The following TBCD variants were observed in gnomAD, a reference collection of about 807,000 sequenced individuals.
TBCD encodes tubulin-specific chaperone D.
In TBCD, 105 loss-of-function variants were observed where a neutral mutation model predicts 169.3. The observed-to-expected ratio is 0.62, with a 90% CI of 0.53 to 0.73. TBCD has a LOEUF of 0.73. Ranked by LOEUF, TBCD falls within the 30% of genes least tolerant of loss-of-function variation. The pLI is 0.00. For missense variants in TBCD, 1,444 were observed against 1,600.1 expected (o/e 0.90, Z 1.66); for synonymous variants, 700 against 643.9 (o/e 1.09, Z -1.32).
intron 8 of TBCD, among the ~76,000 whole-genome samples, chr17:82,799,343 G>A (rs932552135): frequency 2.0e-5 from 3 of 150,638 alleles, no homozygotes; most frequent in Non-Finnish European, 4.4e-5. Flanking sequence ...CTCGGGAGGC[G>A]GAGGCAGGAG....
rs1025654751 is a variant in TBCD at position 82,944,381 on chromosome 17, A to T, written c.*1918A>T. 1 of 152,148 alleles carries T rather than the reference A, an allele frequency of 6.6e-6. No individual in the cohort carries two copies. The highest frequency in any genetic ancestry group is 2.4e-5 in the African/African-American group (1 of 41,442). The allele number at this position is 152,148 out of a possible 1,614,324, so 9.4% of individuals were successfully genotyped here. A position where few individuals can be genotyped will look rare whatever the true frequency, so the allele number is the denominator to read the frequency against. The stretch of plus-strand genomic sequence containing the variant: ...TCTGGAGCCCACCAGGGTCCAGGTG[A>T]TAGAGTTTGGCAAGGAACCCCTTGC... On this transcript the variant is annotated 3_prime_UTR_variant, in exon 39 of 39. Transcript: ENST00000355528.
chr17:82,939,071 T>G lies in TBCD; in HGVS notation c.3370-296T>G, dbSNP rs2062897787. 31 of 490,452 alleles carry G rather than the reference T, an allele frequency of 6.3e-5. No individual in the cohort carries two copies. The South Asian group carries it at 6.8e-4, about 11-fold the overall frequency. 30.4% of individuals were successfully genotyped at this position (490,452 alleles called of 1,614,324 possible). A position where few individuals can be genotyped will look rare whatever the true frequency, so the allele number is the denominator to read the frequency against. Reference sequence around the variant, plus strand: ...GTTAGTTAATAGAGAGCAGGCGAGATTGCTTCTCTGGTGAGGGAGCAGGTT... The same window carrying G: ...GTTAGTTAATAGAGAGCAGGCGAGAGTGCTTCTCTGGTGAGGGAGCAGGTT... On this transcript the variant is annotated intron_variant, in intron 36 of 38. Transcript: ENST00000355528.
rs548262563 is a variant in TBCD at position 82,922,817 on chromosome 17, C to T, written c.2179-835C>T. ...CCTCGGCTCCTGGGCTTCGGGGGAG[C>T]GGTGGAAAGAACACGTGGGTTTGGT... On this transcript the variant is annotated intron_variant, in intron 25 of 38. Transcript: ENST00000355528. The surrounding 1 kb of genome is among the most constrained non-coding windows in gnomAD (Gnocchi z 4.1). 5.9e-5 allele frequency among the ~76,000 whole-genome samples: 9 copies of T among 152,324 alleles called. No homozygotes were observed. Among genetic ancestry groups the T allele is most frequent in the Admixed American group, 2.6e-4 (4 of 15,308 alleles).
In TBCD at chr17:82,831,129, C is replaced by T. The variant is rs143367094; in HGVS notation, c.1318+16195C>T. The T allele has an allele frequency of 4.8e-5, 78 of 1,614,144 alleles. No individual in the cohort carries two copies. In the African/African-American group the frequency reaches 7.1e-4, roughly 15 times the overall value. ...TTTGCTCTGGCGGGTAGAGTCTTCC[C>T]AGTGCGCTGGAGGCTGCCTTGTTGG... On this transcript the variant is annotated intron_variant, in intron 13 of 38. Transcript: ENST00000355528. The surrounding 1 kb of genome is among the most constrained non-coding windows in gnomAD (Gnocchi z 4.6).
intron 23 of TBCD, chr17:82,913,839 A>G (rs956181792): frequency 6.6e-6 from 1 of 152,264 alleles, no homozygotes; most frequent in Non-Finnish European, 1.5e-5. Context: ...CATTGCTGCC[A>G]CCTACCCATG....
At chr17:82,912,688 G>C (rs1188961339) in intron 23 of TBCD, among the ~76,000 whole-genome samples, 2 of 152,222 alleles carry the variant, frequency 1.3e-5, no homozygotes, top group African/African-American at 2.4e-5. Context: ...CTGGGATTCG[G>C]GGAACCCACG....
rs148009121 is a variant in TBCD, at chr17:82,834,880, TA to T, written c.1318+19956del. Among the ~76,000 whole-genome samples, 660 of 149,312 alleles carry T rather than the reference TA, an allele frequency of 4.4e-3. 1 individual carries two copies. The highest frequency in any genetic ancestry group is 0.018 in the East Asian group (93 of 5,106). On this transcript the variant is annotated intron_variant, in intron 13 of 38. Coordinates refer to ENST00000355528, the MANE Select transcript of TBCD (RefSeq NM_005993.5). ...TTGTGTCCTGGAACTTAAAGTATAATAAAAAAAAAATACATTAAAGTAAAGT... is the reference window on the plus strand; with the variant it reads ...TTGTGTCCTGGAACTTAAAGTATAATAAAAAAAAATACATTAAAGTAAAGT...
At chr17:82,792,708 G>C (rs1489428830) in intron 7 of TBCD, among the ~76,000 whole-genome samples, 1 of 152,246 alleles carries the variant, frequency 6.6e-6, no homozygotes, top group Non-Finnish European at 1.5e-5. Context: ...TTACCTTACA[G>C]TCCAAAGTTT....
At position 82,944,515 on chromosome 17, in the gene TBCD, T is replaced by G. The variant is rs1217652456; in HGVS notation, c.*2052T>G. ...TAAAGTGGGCAATGGAATGGCATGT[T>G]GGGTGTTGACTCCGAGAAGGTGTTC... On this transcript the variant is annotated 3_prime_UTR_variant, in exon 39 of 39. Coordinates refer to ENST00000355528, the MANE Select transcript of TBCD (RefSeq NM_005993.5). 6.6e-6 allele frequency: 1 copy of G among 152,190 alleles called. No individual in the cohort carries two copies. Among genetic ancestry groups the G allele is most frequent in the African/African-American group, 2.4e-5 (1 of 41,432 alleles). 9.4% of individuals were successfully genotyped at this position (152,190 alleles called of 1,614,324 possible).
rs374863345 is a variant in TBCD, at chr17:82,759,887, TG to T, written c.235+3673del. Among the ~76,000 whole-genome samples the T allele has an allele frequency of 2.3e-3, 298 of 127,068 alleles. 4 individuals are homozygous for T. The highest frequency in any genetic ancestry group is 9.0e-3 in the African/African-American group (289 of 31,994). The allele number at this position is 127,068 out of a possible 152,430, so 83.4% of individuals were successfully genotyped here. ...TTTTTTCTGGGTCATTTCGTTTGTT[TG>T]TTTTTTTTTTTTTTTTGAGATGGAG... On this transcript the variant is annotated intron_variant, in intron 2 of 38. Coordinates refer to ENST00000355528, the MANE Select transcript of TBCD (RefSeq NM_005993.5).
At chr17:82,914,066 T>G (rs1303189922) in intron 23 of TBCD, 1 of 152,396 alleles carries the variant, frequency 6.6e-6, no homozygotes, top group Non-Finnish European at 1.5e-5. Flanking sequence ...AGCCACCCTG[T>G]CCTGTCCCTT....
intron 6 of TBCD, among the ~76,000 whole-genome samples, chr17:82,775,978 A>G (rs932725024): frequency 6.6e-6 from 1 of 152,112 alleles, no homozygotes; most frequent in Non-Finnish European, 1.5e-5. Context: ...GCACTTTGGG[A>G]GGCTGAGGCG....
chr17:82,800,951 A>G lies in TBCD; in HGVS notation c.905A>G (p.Gln302Arg). ...LLRKLGVKLV[Q>R]RLGLTFLKPK... ...CGGAAGCTGGGGGTGAAGCTTGTGC[A>G]GCGACTGGGGCTGACATTCCTGAAG... The change falls in exon 9 of 39, where the codon CAG (glutamine) becomes CGG (arginine). Residue 302 changes from glutamine (Q) to arginine (R), a missense_variant. Coordinates refer to ENST00000355528, the MANE Select transcript of TBCD (RefSeq NM_005993.5). 6 of 1,611,490 alleles carry G rather than the reference A, an allele frequency of 3.7e-6. No individual in the cohort carries two copies. The highest frequency in any genetic ancestry group is 4.2e-6 in the Non-Finnish European group (5 of 1,179,122).
At chr17:82,816,693 C>A (rs1206547375) in intron 13 of TBCD, among the ~76,000 whole-genome samples, 1 of 150,074 alleles carries the variant, frequency 6.7e-6, no homozygotes, top group African/African-American at 2.4e-5. Flanking sequence ...ACCACCATGC[C>A]ACATTAATTT....
intron 17 of TBCD, among the ~76,000 whole-genome samples, chr17:82,898,455 G>A (rs1051546295): frequency 5.3e-5 from 8 of 152,364 alleles, no homozygotes; most frequent in Admixed American, 6.5e-5. Context: ...GCTGAGCAGA[G>A]GCTTCGTTTT....
chr17:82,943,276 C>T lies in TBCD; in HGVS notation c.*813C>T, dbSNP rs185570952. 578 of 152,390 alleles carry T rather than the reference C, an allele frequency of 3.8e-3. 7 individuals are homozygous for T. The highest frequency in any genetic ancestry group is 3.2e-3 in the Non-Finnish European group (215 of 68,118). The allele number at this position is 152,390 out of a possible 1,614,324, so 9.4% of individuals were successfully genotyped here. A position where few individuals can be genotyped will look rare whatever the true frequency, so the allele number is the denominator to read the frequency against. ...CTACCTTTGTCTCTGTGTCTGAGCT[C>T]GTGCTGATCCATCCCAAAGCTGGTG... On this transcript the variant is annotated 3_prime_UTR_variant, in exon 39 of 39. Coordinates refer to ENST00000355528, the MANE Select transcript of TBCD (RefSeq NM_005993.5).
rs74000097 is a variant in TBCD, at chr17:82,791,755, G to A, written c.772-6002G>A. Among the ~76,000 whole-genome samples the A allele has an allele frequency of 9.5e-3, 1,453 of 152,332 alleles. 19 individuals carry two copies. Among genetic ancestry groups the A allele is most frequent in the African/African-American group, 0.032 (1,344 of 41,568 alleles). ...TGAGTGAGTCATGAAACAGTCATGC[G>A]TCCCCTAACAATGAGGGTAGTCCTG... On this transcript the variant is annotated intron_variant, in intron 7 of 38. Transcript: ENST00000355528.
chr17:82,841,103 C>T (rs892902298), intron 13 of TBCD, among the ~76,000 whole-genome samples: 1 of 149,850 alleles, frequency 6.7e-6, no homozygotes, highest in Non-Finnish European at 1.5e-5. Flanking sequence ...CCACCACGCC[C>T]GGCTAATTTT....
intron 6 of TBCD, among the ~76,000 whole-genome samples, chr17:82,780,618 C>T (rs113355506): frequency 6.8e-6 from 1 of 148,124 alleles, no homozygotes; most frequent in Non-Finnish European, 1.5e-5. Flanking sequence ...GCACAAGACT[C>T]CATCTCAAAA....
Sources: gnomAD v4.1 joint callset for allele counts (sites outside exome capture counted in the v4.1 genomes callset) on GRCh38, gnomAD v4.1.1 for gene constraint, Gnocchi (gnomAD v3.1) non-coding constraint, MANE v1.5 for transcripts, NCBI Gene and HGNC (gene_info 2026-07-23, HGNC 2026-07-21) for gene names.